Variants in MSR1 observed in about 807,000 individuals in gnomAD.
The protein encoded by MSR1 is macrophage scavenger receptor types I and II.
In MSR1, 53 loss-of-function variants were observed where a neutral mutation model predicts 47.2. The ratio of observed to expected loss-of-function variants is 1.12; its 90% CI spans 0.90 to 1.41. The LOEUF (loss-of-function observed/expected upper bound fraction) is 1.41, where lower values mean the gene tolerates loss of function less well. MSR1 is among the 40% of genes most tolerant of loss of function. The probability of loss-of-function intolerance (pLI) is 0.00; values close to 1 mark genes in which losing one functional copy is unlikely to be tolerated. For synonymous variants in MSR1, 239 were observed against 185.6 expected (o/e 1.29, Z -2.34); for missense variants, 786 against 546.9 (o/e 1.44, Z -4.36).
At chr8:16,138,873 G>A (rs983259215) in intron 8 of MSR1, among the ~76,000 whole-genome samples, 1 of 152,114 alleles carries the variant, frequency 6.6e-6, no homozygotes, top group Non-Finnish European at 1.5e-5. Context: ...TGTCATGTAG[G>A]CATAAAACCA....
chr8:16,178,576 T>G (rs182813047), intron 1 of MSR1, among the ~76,000 whole-genome samples: 1 of 152,292 alleles, frequency 6.6e-6, no homozygotes, highest in Non-Finnish European at 1.5e-5. Flanking sequence ...TGTGTGCATG[T>G]GTCTTTATAC....
At chr8:16,140,567 G>A (rs1800528396) in intron 8 of MSR1, 2 of 1,055,148 alleles carry the variant, frequency 1.9e-6, no homozygotes, top group South Asian at 3.6e-5. Context: ...GTGTTATATT[G>A]TATGGTAGGA....
At chr8:16,170,253 CAGGAGAA>C (rs1297086605) in intron 3 of MSR1, among the ~76,000 whole-genome samples, 10 of 151,820 alleles carry the variant, frequency 6.6e-5, no homozygotes, top group Non-Finnish European at 1.2e-4. Flanking sequence ...GAGGCTGAGG[CAGGAGAA>C]TCACTTGAAC....
At chr8:16,187,364 C>CAAAAAAAAAAAAAAAAA (rs751848634) in intron 1 of MSR1, among the ~76,000 whole-genome samples, 1 of 35,412 alleles carries the variant, frequency 2.8e-5, no homozygotes, top group East Asian at 6.9e-4. Flanking sequence ...ACTCTGTCTC[C>CAAAAAAAAAAAAAAAAA]AAAAAAAAAA....
chr8:16,153,745 A>C (rs942737923), intron 6 of MSR1, among the ~76,000 whole-genome samples: 4 of 152,028 alleles, frequency 2.6e-5, no homozygotes, highest in African/African-American at 9.7e-5. Context: ...TGGTTGAGTT[A>C]TAAAGCTCTG....
chr8:16,187,169 C>A (rs1802026090), intron 1 of MSR1, among the ~76,000 whole-genome samples: 1 of 151,512 alleles, frequency 6.6e-6, no homozygotes, highest in Non-Finnish European at 1.5e-5. Flanking sequence ...TCGAGACCAT[C>A]CTGGCCCAAT....
chr8:16,154,609 C>G (rs2117143334), intron 6 of MSR1, among the ~76,000 whole-genome samples: 1 of 152,038 alleles, frequency 6.6e-6, no homozygotes, highest in African/African-American at 2.4e-5. Flanking sequence ...GCTTGTGATT[C>G]ATAACTCACT....
chr8:16,181,046 C>G (rs758906642), intron 1 of MSR1, among the ~76,000 whole-genome samples: 4 of 152,138 alleles, frequency 2.6e-5, no homozygotes, highest in African/African-American at 4.8e-5. Context: ...CCACACTCTT[C>G]TCTATTTCCT....
At chr8:16,135,593 G>A (rs552520740) in intron 8 of MSR1, among the ~76,000 whole-genome samples, 1 of 152,214 alleles carries the variant, frequency 6.6e-6, no homozygotes, top group South Asian at 2.1e-4. Flanking sequence ...GTAGCCCATG[G>A]ATCCAGGATT....
intron 5 of MSR1, among the ~76,000 whole-genome samples, chr8:16,161,874 G>A (rs549976288): frequency 2.6e-5 from 4 of 151,768 alleles, no homozygotes; most frequent in African/African-American, 9.7e-5. Flanking sequence ...GAAGTTCTTA[G>A]TTCTATTTTT....
At chr8:16,178,845 C>G (rs1801738993) in intron 1 of MSR1, among the ~76,000 whole-genome samples, 1 of 151,950 alleles carries the variant, frequency 6.6e-6, no homozygotes, top group South Asian at 2.1e-4. Context: ...TAGCATTTCT[C>G]TGATGGCCAG....
In MSR1 at chr8:16,140,720, C is replaced by T. The variant is rs969798358; in HGVS notation, c.1033+2838G>A. On this transcript the variant is annotated intron_variant, in intron 8 of 9. Coordinates refer to ENST00000262101, the MANE Select transcript of MSR1 (RefSeq NM_138715.3). ...CTGAGGACTGGTTGGAGCAGCCCTC[C>T]AGTCCGTGCATGAGAGGTGTCCAGG... The T allele has an allele frequency of 4.3e-6, 6 of 1,381,164 alleles. No homozygotes were observed. In the African/African-American group the frequency reaches 5.8e-5, roughly 13 times the overall value. The allele number at this position is 1,381,164 out of a possible 1,614,324, so 85.6% of individuals were successfully genotyped here.
At chr8:16,150,198 A>C in intron 7 of MSR1, 33 bp downstream of exon 7, 1 of 963,678 alleles carries the variant, frequency 1.0e-6, no homozygotes, top group Non-Finnish European at 1.5e-6. Flanking sequence ...TCTTCTACAT[A>C]TTCTATAAAG....
chr8:16,180,817 A>G (rs1361382070), intron 1 of MSR1, among the ~76,000 whole-genome samples: 5 of 152,178 alleles, frequency 3.3e-5, no homozygotes, highest in Admixed American at 3.3e-4. Context: ...CAGTCGTTGC[A>G]TATTCCTCCT....
intron 5 of MSR1, among the ~76,000 whole-genome samples, chr8:16,161,669 A>G (rs1801167177): frequency 6.6e-6 from 1 of 151,902 alleles, no homozygotes; most frequent in African/African-American, 2.4e-5. Flanking sequence ...ATTTTCTTAA[A>G]TTTTAAAACA....
At chr8:16,177,660 A>G (rs1801689130) in intron 2 of MSR1, among the ~76,000 whole-genome samples, 1 of 152,156 alleles carries the variant, frequency 6.6e-6, no homozygotes, top group Non-Finnish European at 1.5e-5. Flanking sequence ...TGTAGCTGGG[A>G]AGCCAGAAGG....
At position 16,108,855 on chromosome 8, in the gene MSR1, C is replaced by T. The variant is rs974521872; in HGVS notation, c.*1230G>A. 2 of 152,018 alleles carry T rather than the reference C, an allele frequency of 1.3e-5. No individual in the cohort carries two copies. Among genetic ancestry groups the T allele is most frequent in the Non-Finnish European group, 2.9e-5 (2 of 67,978 alleles). The allele number at this position is 152,018 out of a possible 1,614,324, so 9.4% of individuals were successfully genotyped here. A position where few individuals can be genotyped will look rare whatever the true frequency, so the allele number is the denominator to read the frequency against. ...ATGCTTAAGCTTATGCTTTCATTTG[C>T]CACTATTAAAGAAAGAACAGTAGAG... On this transcript the variant is annotated 3_prime_UTR_variant, in exon 10 of 10. Coordinates refer to ENST00000262101, the MANE Select transcript of MSR1 (RefSeq NM_138715.3).
intron 3 of MSR1, among the ~76,000 whole-genome samples, chr8:16,169,253 C>G (rs896282929): frequency 1.3e-5 from 2 of 152,142 alleles, no homozygotes; most frequent in Non-Finnish European, 2.9e-5. Flanking sequence ...AATACAGTTT[C>G]TGAAGTAAGC....
At chr8:16,170,048 T>C (rs929849620) in intron 3 of MSR1, among the ~76,000 whole-genome samples, 4 of 152,020 alleles carry the variant, frequency 2.6e-5, no homozygotes, top group Non-Finnish European at 4.4e-5. Context: ...GCTTAAACAT[T>C]AACTTTTTAT....
Sources: allele counts gnomAD v4.1 joint callset (sites outside exome capture counted in the v4.1 genomes callset), GRCh38; gene constraint gnomAD v4.1.1; transcripts MANE v1.5; gene names NCBI Gene and HGNC (gene_info 2026-07-23, HGNC 2026-07-21).